Variants in PDE10A observed in about 807,000 individuals in gnomAD.
The protein encoded by PDE10A is phosphodiesterase 10A, also known as cAMP and cAMP-inhibited cGMP 3',5'-cyclic phosphodiesterase 10A.
Under a neutral mutation model 97.7 loss-of-function variants are expected in PDE10A, and 39 were observed. The ratio of observed to expected loss-of-function variants is 0.40; its 90% confidence interval spans 0.31 to 0.52. The LOEUF (loss-of-function observed/expected upper bound fraction) is 0.52. PDE10A is among the 20% of genes least tolerant of loss of function. The pLI, the probability that PDE10A is intolerant of heterozygous loss-of-function variation, is 0.56. For missense variants in PDE10A, 731 were observed against 1,047.8 expected (o/e 0.70, Z 4.17); for synonymous variants, 371 against 376.8 (o/e 0.98, Z 0.18).
intron 1 of PDE10A, among the ~76,000 whole-genome samples, chr6:165,580,922 C>G (rs188237025): frequency 6.6e-6 from 1 of 151,438 alleles, no homozygotes; most frequent in Non-Finnish European, 1.5e-5. Context: ...TGGTAAGTCT[C>G]CAACCCAATG....
At chr6:165,853,867 CT>C (rs1780639688) in intron 1 of PDE10A, among the ~76,000 whole-genome samples, 1 of 152,208 alleles carries the variant, frequency 6.6e-6, no homozygotes, top group Admixed American at 6.5e-5. Context: ...ACCCAAACTG[CT>C]TTCCTACCTG....
chr6:165,678,067 G>A (rs1359123938), intron 1 of PDE10A, among the ~76,000 whole-genome samples: 1 of 149,958 alleles, frequency 6.7e-6, no homozygotes, highest in Admixed American at 6.6e-5. Context: ...TTGTGTATGT[G>A]TGTTTGTATA....
chr6:165,756,461 T>C (rs1793119471), intron 1 of PDE10A, among the ~76,000 whole-genome samples: 1 of 152,202 alleles, frequency 6.6e-6, no homozygotes, highest in South Asian at 2.1e-4. Context: ...CTTCCAGATT[T>C]TTATGAATGT....
chr6:165,422,989 G>A (rs1191658190), intron 10 of PDE10A, among the ~76,000 whole-genome samples: 4 of 152,156 alleles, frequency 2.6e-5, no homozygotes, highest in Non-Finnish European at 5.9e-5. Context: ...TTGGTGAAGT[G>A]AGTGATATGA....
At chr6:165,870,438 G>A (rs1201989078) in intron 1 of PDE10A, among the ~76,000 whole-genome samples, 1 of 151,978 alleles carries the variant, frequency 6.6e-6, no homozygotes. Flanking sequence ...GGCTACTATC[G>A]AAAAGACAAA....
intron 1 of PDE10A, among the ~76,000 whole-genome samples, chr6:165,645,770 C>T (rs1789362993): frequency 6.9e-6 from 1 of 145,086 alleles, no homozygotes; most frequent in South Asian, 2.2e-4. Flanking sequence ...AGGAGAATTG[C>T]TTGAACCTGG....
intron 1 of PDE10A, among the ~76,000 whole-genome samples, chr6:165,688,061 G>A (rs1791170543): frequency 6.6e-6 from 1 of 152,210 alleles, no homozygotes; most frequent in South Asian, 2.1e-4. Context: ...ACCACGTGGT[G>A]TTTTCTCACC....
chr6:165,546,645 G>A (rs1783756818), intron 1 of PDE10A, among the ~76,000 whole-genome samples: 1 of 152,080 alleles, frequency 6.6e-6, no homozygotes, highest in African/African-American at 2.4e-5. Context: ...TGATAAAGTT[G>A]TTGTCCCAAG....
intron 1 of PDE10A, among the ~76,000 whole-genome samples, chr6:165,745,798 C>T (rs779249509): frequency 4.6e-5 from 7 of 151,994 alleles, no homozygotes; most frequent in Non-Finnish European, 1.0e-4. Context: ...GATATATGTT[C>T]GTATGTTGTA....
At chr6:165,647,616 T>C (rs1265195774) in intron 1 of PDE10A, among the ~76,000 whole-genome samples, 1 of 152,196 alleles carries the variant, frequency 6.6e-6, no homozygotes, top group African/African-American at 2.4e-5. Context: ...AAAGTGGAAT[T>C]GCTTGCGGAC....
At chr6:165,814,710 AAC>A (rs1779363660) in intron 1 of PDE10A, among the ~76,000 whole-genome samples, 1 of 152,224 alleles carries the variant, frequency 6.6e-6, no homozygotes, top group African/African-American at 2.4e-5. Context: ...CAAAGGAAGA[AAC>A]AGAGAAGAGC....
chr6:165,374,966 G>A (rs1013877822), intron 18 of PDE10A, among the ~76,000 whole-genome samples: 1 of 151,794 alleles, frequency 6.6e-6, no homozygotes, highest in Middle Eastern at 3.2e-3. Context: ...ACTATTTGTG[G>A]GTGCCATGAA....
intron 1 of PDE10A, among the ~76,000 whole-genome samples, chr6:165,755,284 C>T (rs190394664): frequency 5.3e-4 from 81 of 152,330 alleles, no homozygotes; most frequent in African/African-American, 1.6e-3. Flanking sequence ...ATTATTATTT[C>T]ATGCTAATAG....
intron 1 of PDE10A, among the ~76,000 whole-genome samples, chr6:165,744,902 G>T (rs1255616699): frequency 3.3e-5 from 5 of 151,646 alleles, no homozygotes; most frequent in Non-Finnish European, 7.4e-5. Flanking sequence ...GCTTCCAGTA[G>T]TGAGATTCCT....
intron 1 of PDE10A, among the ~76,000 whole-genome samples, chr6:165,974,752 A>C (rs1190060024): frequency 6.6e-6 from 1 of 152,176 alleles, no homozygotes; most frequent in Non-Finnish European, 1.5e-5. Context: ...AAATTTTACT[A>C]GACAATAAAA....
chr6:165,666,988 C>T (rs1790513739), upstream of PDE10A, among the ~76,000 whole-genome samples: 1 of 152,152 alleles, frequency 6.6e-6, no homozygotes, highest in Admixed American at 6.5e-5. Context: ...ATTTCCATTA[C>T]TATTGATGTT....
intron 1 of PDE10A, among the ~76,000 whole-genome samples, chr6:165,933,318 G>A (rs974165161): frequency 1.3e-5 from 2 of 152,182 alleles, no homozygotes; most frequent in African/African-American, 4.8e-5. Context: ...ACCCACAGGA[G>A]AGAGAAACTA....
chr6:165,727,889 T>G (rs1395125043), intron 1 of PDE10A, among the ~76,000 whole-genome samples: 1 of 152,240 alleles, frequency 6.6e-6, no homozygotes, highest in Non-Finnish European at 1.5e-5. Flanking sequence ...CTTTGTAAGT[T>G]TGCAAAAGTG....
At chr6:165,372,526 G>A (rs1784327093) in intron 18 of PDE10A, among the ~76,000 whole-genome samples, 1 of 143,666 alleles carries the variant, frequency 7.0e-6, no homozygotes, top group African/African-American at 2.7e-5. Flanking sequence ...TACAAGGGAC[G>A]TGAAGGACCT....
Sources: gnomAD v4.1 joint callset for allele counts (sites outside exome capture counted in the v4.1 genomes callset) on GRCh38, gnomAD v4.1.1 for gene constraint, MANE v1.5 for transcripts, NCBI Gene and HGNC (gene_info 2026-07-23, HGNC 2026-07-21) for gene names.